LOC400499: variants seen among roughly 807,000 people sequenced by gnomAD.
chr16:11,388,027 G>A, the LOC400499 span, among the ~76,000 whole-genome samples: 325 of 152,270 alleles, frequency 2.1e-3, 2 homozygotes, highest in African/African-American at 7.4e-3. Flanking sequence ...GGGGATGTCA[G>A]CTCACATGGG....
the LOC400499 span, among the ~76,000 whole-genome samples, chr16:11,420,416 G>A: frequency 2.1e-5 from 3 of 142,406 alleles, no homozygotes; most frequent in African/African-American, 7.9e-5. Context: ...GACACAGGAA[G>A]GGGAACATCA....
chr16:11,399,625 A>G, the LOC400499 span: 4 of 398,648 alleles, frequency 1.0e-5, no homozygotes, highest in Admixed American at 1.3e-4. Flanking sequence ...AATAGGGTAC[A>G]TGACCTGGGG....
chr16:11,450,795 C>T, the LOC400499 span: 1 of 1,534,994 alleles, frequency 6.5e-7, no homozygotes, highest in East Asian at 2.4e-5. Flanking sequence ...AGACCATCAG[C>T]CATGGACTAT....
At chr16:11,405,143 A>AT in the LOC400499 span, among the ~76,000 whole-genome samples, 1 of 152,184 alleles carries the variant, frequency 6.6e-6, no homozygotes, top group Non-Finnish European at 1.5e-5. Flanking sequence ...GGCTCTGGGC[A>AT]TTTTTCAACC....
At chr16:11,480,865 A>C in the LOC400499 span, among the ~76,000 whole-genome samples, 110 of 152,342 alleles carry the variant, frequency 7.2e-4, no homozygotes, top group Non-Finnish European at 2.1e-4. Context: ...AGGACAGAGA[A>C]ATCTCACCAA....
chr16:11,510,095 C>T, the LOC400499 span, among the ~76,000 whole-genome samples: 4 of 151,620 alleles, frequency 2.6e-5, no homozygotes, highest in Admixed American at 6.6e-5. Flanking sequence ...AAACTGCCCT[C>T]TGCTCTACAC....
chr16:11,424,748 C>G, the LOC400499 span, among the ~76,000 whole-genome samples: 24 of 152,130 alleles, frequency 1.6e-4, no homozygotes, highest in Admixed American at 3.3e-4. Flanking sequence ...CTGAGAAGCT[C>G]GAGCAGGGGC....
the LOC400499 span, chr16:11,440,876 G>A: frequency 9.5e-5 from 38 of 398,930 alleles, no homozygotes; most frequent in South Asian, 2.5e-4. Flanking sequence ...CTTTACTTCC[G>A]CTAACAGCCA....
At chr16:11,521,662 G>A in the LOC400499 span, among the ~76,000 whole-genome samples, 1 of 152,100 alleles carries the variant, frequency 6.6e-6, no homozygotes, top group African/African-American at 2.4e-5. Context: ...GGCACAGTAT[G>A]TCCCCGTTCT....
At chr16:11,510,353 C>CG in the LOC400499 span, among the ~76,000 whole-genome samples, 3 of 151,940 alleles carry the variant, frequency 2.0e-5, no homozygotes, top group South Asian at 6.3e-4. Context: ...CCTTAGCCCC[C>CG]CAGGTGCCTG....
the LOC400499 span, among the ~76,000 whole-genome samples, chr16:11,435,037 C>T: frequency 2.0e-5 from 3 of 152,050 alleles, no homozygotes; most frequent in Non-Finnish European, 1.5e-5. Flanking sequence ...GGCTGCAATG[C>T]TGCAATCTTA....
chr16:11,502,628 T>A, the LOC400499 span, among the ~76,000 whole-genome samples: 1 of 151,898 alleles, frequency 6.6e-6, no homozygotes. Flanking sequence ...TTTTTTTTTT[T>A]TTTTGAGACG....
At chr16:11,401,149 T>G in the LOC400499 span, 2 of 397,956 alleles carry the variant, frequency 5.0e-6, no homozygotes, top group Non-Finnish European at 8.9e-6. Flanking sequence ...CGGAGAAGTC[T>G]TTGTCACTGA....
At chr16:11,520,472 C>A in the LOC400499 span, among the ~76,000 whole-genome samples, 1 of 152,108 alleles carries the variant, frequency 6.6e-6, no homozygotes, top group Non-Finnish European at 1.5e-5. Context: ...GCTTGGCCAA[C>A]ATGGTAAAAT....
the LOC400499 span, among the ~76,000 whole-genome samples, chr16:11,387,791 T>C: frequency 6.6e-6 from 1 of 152,138 alleles, no homozygotes; most frequent in South Asian, 2.1e-4. Flanking sequence ...ACCCGGCTAA[T>C]TTTTGTATTT....
chr16:11,419,713 G>A, the LOC400499 span, among the ~76,000 whole-genome samples: 2 of 152,180 alleles, frequency 1.3e-5, 1 homozygote, highest in South Asian at 4.1e-4. Flanking sequence ...CTGACAAAGG[G>A]CTAATATCCA....
the LOC400499 span, chr16:11,425,184 G>A: frequency 2.5e-6 from 1 of 399,056 alleles, no homozygotes; most frequent in Non-Finnish European, 4.4e-6. Flanking sequence ...TCCGTGCCGG[G>A]GGCCCCAGGA....
At chr16:11,449,132 C>A in the LOC400499 span, 1 of 1,410,744 alleles carries the variant, frequency 7.1e-7, no homozygotes, top group Non-Finnish European at 9.4e-7. Flanking sequence ...GGAGGGGGAC[C>A]AAGGCCTTTG....
chr16:11,441,361 T>C, the LOC400499 span, among the ~76,000 whole-genome samples: 1 of 152,200 alleles, frequency 6.6e-6, no homozygotes, highest in Non-Finnish European at 1.5e-5. Context: ...TTTTGTTCAT[T>C]GCCATATTCC....
Sources: gnomAD v4.1 joint callset for allele counts (sites outside exome capture counted in the v4.1 genomes callset) on GRCh38, gnomAD v4.1.1 for gene constraint, MANE v1.5 for transcripts.